OTOF: variants seen among roughly 807,000 people sequenced by gnomAD.
The protein encoded by OTOF is fer-1-like family member 2.
OTOF carries 218 observed loss-of-function variants against 236.8 expected under a neutral mutation model. The observed-to-expected ratio is 0.92, with a 90% confidence interval of 0.82 to 1.03. The LOEUF is 1.03. OTOF is among the 50% of genes least tolerant of loss of function. The pLI is 0.00. For missense variants in OTOF, 2,590 were observed against 2,694.4 expected (o/e 0.96, Z 0.86); for synonymous variants, 1,041 against 1,072.5 (o/e 0.97, Z 0.57).
At chr2:26,481,139 A>C (rs2148057264) in intron 14 of OTOF, 130 bp from the exon 15 acceptor site, 1 of 685,660 alleles carries the variant, frequency 1.5e-6, no homozygotes, top group East Asian at 2.7e-5. Flanking sequence ...TGTGCCATTC[A>C]GGTGTGGGGC....
intron 5 of OTOF, among the ~76,000 whole-genome samples, chr2:26,509,619 A>T (rs1558506052): frequency 6.6e-6 from 1 of 152,192 alleles, no homozygotes; most frequent in Non-Finnish European, 1.5e-5. Flanking sequence ...ACCCCTCAAC[A>T]CACAATCCTG....
intron 3 of OTOF, among the ~76,000 whole-genome samples, chr2:26,523,952 G>A (rs1298623230): frequency 6.6e-6 from 1 of 152,222 alleles, no homozygotes; most frequent in Non-Finnish European, 1.5e-5. Context: ...CTCCCACTCT[G>A]ACCCCCACAA....
chr2:26,526,906 G>A (rs945124093), intron 3 of OTOF, among the ~76,000 whole-genome samples: 3 of 152,072 alleles, frequency 2.0e-5, no homozygotes, highest in Admixed American at 2.0e-4. Context: ...GCCCAGGCTA[G>A]CCTCAAATTA....
At chr2:26,508,578 C>T (rs887237776) in intron 5 of OTOF, among the ~76,000 whole-genome samples, 1 of 152,196 alleles carries the variant, frequency 6.6e-6, no homozygotes, top group East Asian at 1.9e-4. Flanking sequence ...GCTGGCGGCC[C>T]AGCCCTTTGC....
At chr2:26,476,418 G>A in intron 22 of OTOF, 101 bp from the exon 23 acceptor site, 4 of 1,137,418 alleles carry the variant, frequency 3.5e-6, no homozygotes, top group Non-Finnish European at 5.1e-6. Context: ...GAGCTGCCCT[G>A]CCCCTTCACA....
In OTOF at chr2:26,474,060, G is replaced by A. The variant is rs758021674; in HGVS notation, c.3339C>T (p.Asp1113=). 24 of 1,612,814 alleles carry A rather than the reference G, an allele frequency of 1.5e-5. No individual in the cohort carries two copies. In the African/African-American group the frequency reaches 1.6e-4, roughly 11 times the overall value. Residue 1113 remains aspartate, a synonymous_variant, in exon 27 of 47, where the codon GAC becomes GAT. Transcript: ENST00000272371. Reference sequence around the variant, plus strand: ...CGGGCATGATGGGACCTCGGTCCACGTCCACCGGGCCATTGATGGGGGGCA... The same window carrying A: ...CGGGCATGATGGGACCTCGGTCCACATCCACCGGGCCATTGATGGGGGGCA... The part of the protein sequence containing the change: ...ADLPPINGPV[D]VDRGPIMPVP...
chr2:26,546,748 G>T lies in OTOF; in HGVS notation c.80-8974C>A, dbSNP rs1242138380. ...ACATAATCTATTTTCTACATGTTTGGTTTTTTTTTTTTTTTATTTCTCTCA... is the reference window on the plus strand; with the variant it reads ...ACATAATCTATTTTCTACATGTTTGTTTTTTTTTTTTTTTTATTTCTCTCA... On this transcript the variant is annotated intron_variant, in intron 1 of 46. Coordinates refer to ENST00000272371, the MANE Select transcript of OTOF (RefSeq NM_194248.3). Among the ~76,000 whole-genome samples the T allele has an allele frequency of 1.3e-4, 18 of 142,150 alleles. No homozygotes were observed. In the East Asian group the frequency reaches 2.7e-3, roughly 21 times the overall value. 93.3% of individuals were successfully genotyped at this position (142,150 alleles called of 152,430 possible). A position where few individuals can be genotyped will look rare whatever the true frequency, so the allele number is the denominator to read the frequency against.
chr2:26,490,094 T>C (rs1665804363), intron 9 of OTOF, among the ~76,000 whole-genome samples: 1 of 152,204 alleles, frequency 6.6e-6, no homozygotes, highest in South Asian at 2.1e-4. Context: ...CCTTCTTAAC[T>C]GTGTGGCCTT....
chr2:26,491,152 G>A (rs557832197), intron 9 of OTOF, among the ~76,000 whole-genome samples: 6 of 152,238 alleles, frequency 3.9e-5, no homozygotes, highest in Middle Eastern at 3.4e-3. Flanking sequence ...AGTGGCGTGA[G>A]GGGCCCCCAA....
chr2:26,522,609 A>G lies in OTOF; in HGVS notation c.228-3500T>C, dbSNP rs184593768. Reference sequence around the variant, plus strand: ...GGAGCTGCCTGGGAGAGTGGGGCCCAGGACGATTGAGGAAGGGTGGGCTCA... The same window carrying G: ...GGAGCTGCCTGGGAGAGTGGGGCCCGGGACGATTGAGGAAGGGTGGGCTCA... On this transcript the variant is annotated intron_variant, in intron 3 of 46. Transcript: ENST00000272371. 1.1e-3 allele frequency among the ~76,000 whole-genome samples: 161 copies of G among 152,336 alleles called. 1 individual carries two copies. The highest frequency in any genetic ancestry group is 3.8e-3 in the African/African-American group (156 of 41,572).
Position 26,467,218 on chromosome 2 carries a change from G to A in OTOF, c.4243C>T (p.Leu1415=), listed in dbSNP as rs752549316. The change falls in exon 35 of 47, where the codon CTG becomes TTG. Residue 1415 remains leucine (L), a synonymous_variant. Coordinates refer to ENST00000272371, the MANE Select transcript of OTOF (RefSeq NM_194248.3). ...TCAAAGTTATCAAACTCGGACTCCAGCTCTTTGGGGTATACCTGAGACAGA... is the reference window on the plus strand; with the variant it reads ...TCAAAGTTATCAAACTCGGACTCCAACTCTTTGGGGTATACCTGAGACAGA... ...IDELKVYPKE[L]ESEFDNFEDW... The A allele has an allele frequency of 1.2e-6, 2 of 1,614,166 alleles. No homozygotes were observed. Among genetic ancestry groups the A allele is most frequent in the Non-Finnish European group, 1.7e-6 (2 of 1,180,030 alleles).
intron 7 of OTOF, 37 bp downstream of exon 7, chr2:26,502,263 G>T (rs774225578): frequency 9.9e-6 from 16 of 1,611,992 alleles, no homozygotes; most frequent in Non-Finnish European, 1.3e-5. Flanking sequence ...CTGACAGGGT[G>T]GGGGCAGCTG....
Position 26,482,628 on chromosome 2 carries a change from T to TGTGTGTGTGAGTGGGTGC in OTOF, c.1393-54_1393-37dup, listed in dbSNP as rs1491021421. ...GGGGAGCACAGGTGAGGGCGTGGCA[T>TGTGTGTGTGAGTGGGTGC]GTGTGTGTGAGTGGGTGCATGTGTG... On this transcript the variant is annotated intron_variant, in intron 13 of 46. Transcript: ENST00000272371. The TGTGTGTGTGAGTGGGTGC allele has an allele frequency of 3.2e-6, 5 of 1,581,614 alleles. No individual in the cohort carries two copies. The African/African-American group carries it at 5.5e-5, about 17-fold the overall frequency.
intron 9 of OTOF, among the ~76,000 whole-genome samples, chr2:26,493,977 C>A (rs778204360): frequency 2.6e-5 from 4 of 152,304 alleles, no homozygotes; most frequent in Admixed American, 1.3e-4. Flanking sequence ...CTAAGTCATT[C>A]TTTGGGTTTT....
chr2:26,469,663 A>G (rs1362756925), intron 32 of OTOF, among the ~76,000 whole-genome samples: 1 of 152,266 alleles, frequency 6.6e-6, no homozygotes, highest in African/African-American at 2.4e-5. Flanking sequence ...ACAAGAGGTC[A>G]GGATCTTAGT....
At chr2:26,511,339 T>C (rs1198128471) in intron 5 of OTOF, among the ~76,000 whole-genome samples, 1 of 152,122 alleles carries the variant, frequency 6.6e-6, no homozygotes, top group African/African-American at 2.4e-5. Flanking sequence ...GTAAGTGAGC[T>C]ACCACTCCAG....
rs1664954406 is a variant in OTOF, at chr2:26,471,107, G to T, written c.3894+14C>A. ...CCTCTCACCCCAGAGCCCCTGCATGGCCCCCACACTCACCACATCCACCTT... is the reference window on the plus strand; with the variant it reads ...CCTCTCACCCCAGAGCCCCTGCATGTCCCCCACACTCACCACATCCACCTT... On this transcript the variant is annotated intron_variant, in intron 31 of 46. Coordinates refer to ENST00000272371, the MANE Select transcript of OTOF (RefSeq NM_194248.3). The T allele has an allele frequency of 3.1e-6, 5 of 1,613,808 alleles. No homozygotes were observed. The East Asian group carries it at 1.1e-4, about 36-fold the overall frequency.
At chr2:26,502,525 C>T (rs767873309) in intron 6 of OTOF, 99 bp from the exon 7 acceptor site, 99 of 1,309,938 alleles carry the variant, frequency 7.6e-5, no homozygotes, top group Admixed American at 9.8e-5. Flanking sequence ...GAGTTAAATT[C>T]GAGGTTTACT....
intron 1 of OTOF, among the ~76,000 whole-genome samples, chr2:26,545,698 T>C (rs1254262621): frequency 6.6e-6 from 1 of 152,216 alleles, no homozygotes; most frequent in Non-Finnish European, 1.5e-5. Context: ...AATTCTATAA[T>C]CCATCTTACA....
Sources: gnomAD v4.1 joint callset for allele counts (sites outside exome capture counted in the v4.1 genomes callset) on GRCh38, gnomAD v4.1.1 for gene constraint, MANE v1.5 for transcripts, NCBI Gene and HGNC (gene_info 2026-07-23, HGNC 2026-07-21) for gene names.